Variants in NRP1 observed in about 807,000 individuals in gnomAD.
NRP1 encodes the protein neuropilin-1.
NRP1 carries 35 observed loss-of-function variants against 106.7 expected under a neutral mutation model. The observed-to-expected ratio is 0.33, with a 90% confidence interval of 0.25 to 0.43. NRP1 has a LOEUF of 0.43. Ranked by LOEUF, NRP1 falls within the 20% of genes least tolerant of loss-of-function variation. NRP1 has a pLI of 1.00. For synonymous variants in NRP1, 437 were observed against 417.9 expected, an observed-to-expected ratio of 1.05 and a Z score of -0.56; for missense variants, 1,024 against 1,170.4, an observed-to-expected ratio of 0.87 and a Z score of 1.83.
chr10:33,192,437 A>G lies in NRP1; in HGVS notation c.1925-19T>C. ...GGAAACTCTTCAGTGGGTGGGAAGTAAAAATAAGAGACAAGCAAAGAAAGG... is the reference window on the plus strand; with the variant it reads ...GGAAACTCTTCAGTGGGTGGGAAGTGAAAATAAGAGACAAGCAAAGAAAGG... On this transcript the variant is annotated intron_variant, in intron 12 of 16. Coordinates refer to ENST00000374867, the MANE Select transcript of NRP1 (RefSeq NM_003873.7). 1 of 1,612,262 alleles carries G rather than the reference A, an allele frequency of 6.2e-7. No individual in the cohort carries two copies. Among genetic ancestry groups the G allele is most frequent in the South Asian group, 1.1e-5 (1 of 90,840 alleles).
chr10:33,241,519 G>T (rs762711342), intron 6 of NRP1, among the ~76,000 whole-genome samples: 2 of 152,062 alleles, frequency 1.3e-5, no homozygotes, highest in Non-Finnish European at 2.9e-5. Context: ...TGGCAGCTGT[G>T]GCTCATCTAT....
chr10:33,202,523 A>T, intron 11 of NRP1: 5 of 1,237,612 alleles, frequency 4.0e-6, no homozygotes, highest in Non-Finnish European at 5.3e-6. Flanking sequence ...ATGAAAATAA[A>T]CATTCTGAAG....
chr10:33,202,641 TA>T (rs1564376171), intron 11 of NRP1: 6 of 1,529,722 alleles, frequency 3.9e-6, no homozygotes, highest in Non-Finnish European at 5.3e-6. Context: ...CTTATTCAAT[TA>T]AGATAATCCT....
chr10:33,221,881 G>T lies in NRP1; in HGVS notation c.1138-18C>A, dbSNP rs1316370667. 6.3e-7 allele frequency: 1 copy of T among 1,590,004 alleles called. No individual in the cohort carries two copies. Among genetic ancestry groups the T allele is most frequent in the African/African-American group, 1.3e-5 (1 of 74,622 alleles). The stretch of plus-strand genomic sequence containing the variant: ...TGAAAGAGCTGTATGGGGAAAAAAA[G>T]TGCCTTTCTTTAGCAGAGGTTTTGG... On this transcript the variant is annotated intron_variant, in intron 7 of 16. Coordinates refer to ENST00000374867, the MANE Select transcript of NRP1 (RefSeq NM_003873.7).
intron 11 of NRP1, chr10:33,202,470 T>C (rs1465008901): frequency 6.8e-6 from 5 of 733,030 alleles, no homozygotes; most frequent in Non-Finnish European, 8.1e-6. Context: ...TATCCATTTG[T>C]TGGATAAAGG....
At chr10:33,200,183 G>A (rs1017134609) in intron 11 of NRP1, among the ~76,000 whole-genome samples, 1 of 152,144 alleles carries the variant, frequency 6.6e-6, no homozygotes, top group Admixed American at 6.5e-5. Context: ...GTGAAAATTC[G>A]CTTTTTAAAA....
intron 6 of NRP1, among the ~76,000 whole-genome samples, chr10:33,232,246 T>G (rs1326651382): frequency 1.3e-5 from 2 of 152,196 alleles, no homozygotes; most frequent in Non-Finnish European, 2.9e-5. Flanking sequence ...ATACTTCCTT[T>G]CTTTCCATAA....
At chr10:33,199,365 T>TTTTTTA (rs57582967) in intron 11 of NRP1, among the ~76,000 whole-genome samples, 1 of 64,268 alleles carries the variant, frequency 1.6e-5, no homozygotes, top group African/African-American at 5.1e-5. Context: ...CCTGGCTGTT[T>TTTTTTA]TCTATATATA....
intron 4 of NRP1, among the ~76,000 whole-genome samples, chr10:33,259,333 G>C (rs1484727524): frequency 1.3e-5 from 2 of 152,084 alleles, no homozygotes; most frequent in Non-Finnish European, 1.5e-5. Flanking sequence ...AGAGTGAAAG[G>C]CTTTTTCGAC....
At chr10:33,193,845 G>T (rs1384780954) in intron 12 of NRP1, among the ~76,000 whole-genome samples, 1 of 152,146 alleles carries the variant, frequency 6.6e-6, no homozygotes, top group Non-Finnish European at 1.5e-5. Context: ...CCCTTTTCTA[G>T]AGCTAATGTC....
rs1843156652 is a variant in NRP1 at position 33,269,636 on chromosome 10, G to A, written c.430+1039C>T. Among the ~76,000 whole-genome samples the A allele has an allele frequency of 2.0e-5, 3 of 152,164 alleles. No individual in the cohort carries two copies. The South Asian group carries it at 6.2e-4, about 32-fold the overall frequency. On this transcript the variant is annotated intron_variant, in intron 3 of 16. Coordinates refer to ENST00000374867, the MANE Select transcript of NRP1 (RefSeq NM_003873.7). ...CAGTTTGTGGTCTGTTAGGAACTTA[G>A]CCACACAGCAGGAGGCGAGTGGCAG... is the stretch of plus-strand genomic sequence containing the variant.
chr10:33,224,302 T>C (rs1839486506), intron 7 of NRP1, among the ~76,000 whole-genome samples: 1 of 152,106 alleles, frequency 6.6e-6, no homozygotes, highest in Non-Finnish European at 1.5e-5. Flanking sequence ...ACCCCTGTAA[T>C]CTGTGGGTGC....
chr10:33,244,373 C>G (rs1841260981), intron 6 of NRP1, among the ~76,000 whole-genome samples: 1 of 152,134 alleles, frequency 6.6e-6, no homozygotes, highest in Non-Finnish European at 1.5e-5. Context: ...ACCGCTGGGA[C>G]AGAAATCAAC....
intron 4 of NRP1, among the ~76,000 whole-genome samples, chr10:33,257,127 A>T (rs1842251593): frequency 6.6e-6 from 1 of 152,224 alleles, no homozygotes; most frequent in African/African-American, 2.4e-5. Context: ...TACATATACC[A>T]ATAATTTATA....
intron 13 of NRP1, 23 bp from the exon 14 acceptor site, chr10:33,186,511 T>C: frequency 1.3e-5 from 20 of 1,588,692 alleles, no homozygotes; most frequent in Non-Finnish European, 1.7e-5. Context: ...AGAACTGTGT[T>C]AGGGAGAGTG....
At chr10:33,239,721 C>T (rs554282370) in intron 6 of NRP1, among the ~76,000 whole-genome samples, 33 of 152,252 alleles carry the variant, frequency 2.2e-4, no homozygotes, top group African/African-American at 6.5e-4. Context: ...GGAGTTACCC[C>T]CAAAGGCATC....
intron 1 of NRP1, among the ~76,000 whole-genome samples, chr10:33,331,108 A>G (rs1479955286): frequency 6.6e-6 from 1 of 151,972 alleles, no homozygotes; most frequent in Non-Finnish European, 1.5e-5. Flanking sequence ...ATCTGAGAGG[A>G]CTCTTCCCCC....
intron 2 of NRP1, among the ~76,000 whole-genome samples, chr10:33,290,474 A>G (rs1164484271): frequency 3.9e-5 from 6 of 151,910 alleles, no homozygotes; most frequent in Non-Finnish European, 7.4e-5. Context: ...AACTCTGGTC[A>G]TTGGGTCACA....
intron 4 of NRP1, among the ~76,000 whole-genome samples, chr10:33,257,670 T>C (rs959525109): frequency 6.6e-6 from 1 of 152,160 alleles, no homozygotes; most frequent in Non-Finnish European, 1.5e-5. Context: ...TGACTTAAAC[T>C]GGCCACACCT....
Sources: gnomAD v4.1 joint callset for allele counts (sites outside exome capture counted in the v4.1 genomes callset) on GRCh38, gnomAD v4.1.1 for gene constraint, MANE v1.5 for transcripts, NCBI Gene and HGNC (gene_info 2026-07-23, HGNC 2026-07-21) for gene names.